The following KHDC1 variants were observed in gnomAD, a reference collection of about 807,000 sequenced individuals.
The protein encoded by KHDC1 is KH domain containing 1.
A neutral mutation model predicts 24.7 loss-of-function variants in KHDC1; 21 were observed. The observed-to-expected ratio is 0.85, with a 90% CI of 0.60 to 1.23. The LOEUF (loss-of-function observed/expected upper bound fraction) is 1.23. Ranked by LOEUF, KHDC1 falls within the 50% of genes most tolerant of loss-of-function variation. KHDC1 has a pLI of 0.00. For synonymous variants in KHDC1, 98 were observed against 111.7 expected, an observed-to-expected ratio of 0.88 and a Z score of 0.77; for missense variants, 274 against 298.5, an observed-to-expected ratio of 0.92 and a Z score of 0.61.
chr6:73,294,185 C>T (rs1767718061), intron 1 of KHDC1, among the ~76,000 whole-genome samples: 1 of 152,106 alleles, frequency 6.6e-6, no homozygotes, highest in Non-Finnish European at 1.5e-5. Context: ...TCTATTGTCT[C>T]TTTCCCTGTT....
At chr6:73,253,651 C>T (rs1162283701) in intron 2 of KHDC1, among the ~76,000 whole-genome samples, 1 of 152,182 alleles carries the variant, frequency 6.6e-6, no homozygotes, top group Admixed American at 6.6e-5. Flanking sequence ...GTAATCCCAG[C>T]ACTTTGGGAG....
chr6:73,271,665 G>A (rs1767182848), intron 2 of KHDC1, among the ~76,000 whole-genome samples: 2 of 151,102 alleles, frequency 1.3e-5, no homozygotes, highest in Non-Finnish European at 2.9e-5. Context: ...AGGCCGAGGT[G>A]GGTGGATCAC....
intron 1 of KHDC1, among the ~76,000 whole-genome samples, chr6:73,302,471 G>A (rs1333921236): frequency 6.6e-6 from 1 of 152,106 alleles, no homozygotes; most frequent in Non-Finnish European, 1.5e-5. Context: ...AAGCTATATG[G>A]TAAAAGCTTA....
At chr6:73,248,190 G>C (rs981195729) in intron 2 of KHDC1, among the ~76,000 whole-genome samples, 6 of 152,298 alleles carry the variant, frequency 3.9e-5, no homozygotes, top group African/African-American at 1.4e-4. Flanking sequence ...CAGACCTGAG[G>C]AGGGAGCCTG....
intron 2 of KHDC1, among the ~76,000 whole-genome samples, chr6:73,246,504 A>T (rs1766667912): frequency 6.6e-6 from 1 of 152,212 alleles, no homozygotes; most frequent in African/African-American, 2.4e-5. Context: ...TAAGAGAAGG[A>T]GAGTTGTCAC....
chr6:73,274,232 TG>T (rs1218981992), intron 2 of KHDC1: 1 of 152,230 alleles, frequency 6.6e-6, no homozygotes, highest in African/African-American at 2.4e-5. Flanking sequence ...CAAAAAAGAA[TG>T]GCATCATTCT....
intron 2 of KHDC1, chr6:73,268,499 T>C (rs1767116068): frequency 6.6e-6 from 1 of 152,330 alleles, no homozygotes; most frequent in Admixed American, 6.5e-5. Context: ...TATTCTCTTA[T>C]CTGGCCCCAC....
chr6:73,308,532 A>G (rs1768017158), intron 1 of KHDC1, among the ~76,000 whole-genome samples: 1 of 148,772 alleles, frequency 6.7e-6, no homozygotes, highest in African/African-American at 2.5e-5. Flanking sequence ...CTTTTTGGAC[A>G]GGGTCTCACT....
intron 2 of KHDC1, 80 bp from the exon 1 acceptor site, chr6:73,263,276 G>A (rs1004269673): frequency 1.0e-6 from 1 of 985,598 alleles, no homozygotes; most frequent in Non-Finnish European, 1.2e-6. Flanking sequence ...CTGTGTAGGA[G>A]ACAGCCTGCG....
intron 2 of KHDC1, chr6:73,284,566 G>A (rs111464049): frequency 1.3e-5 from 2 of 152,046 alleles, no homozygotes; most frequent in African/African-American, 4.8e-5. Flanking sequence ...TTAAACTCCT[G>A]TCTCTCTGCT....
chr6:73,259,524 T>C (rs1052668791), intron 2 of KHDC1, among the ~76,000 whole-genome samples: 1 of 152,142 alleles, frequency 6.6e-6, no homozygotes, highest in Non-Finnish European at 1.5e-5. Context: ...TACTTCTCCT[T>C]GAGAGGACCA....
intron 2 of KHDC1, among the ~76,000 whole-genome samples, chr6:73,243,049 T>A (rs1376138043): frequency 6.6e-6 from 1 of 152,142 alleles, no homozygotes; most frequent in Non-Finnish European, 1.5e-5. Context: ...AGGAGTTGAC[T>A]GGGTGAGTCT....
intron 2 of KHDC1, among the ~76,000 whole-genome samples, chr6:73,286,289 A>C (rs1257478054): frequency 6.6e-6 from 1 of 152,206 alleles, no homozygotes; most frequent in African/African-American, 2.4e-5. Context: ...TATAGTTTAC[A>C]TAAGATGATA....
intron 2 of KHDC1, among the ~76,000 whole-genome samples, chr6:73,267,724 G>C (rs1304798522): frequency 6.6e-6 from 1 of 152,196 alleles, no homozygotes; most frequent in African/African-American, 2.4e-5. Context: ...TTGGATGCCA[G>C]TATTTATAAT....
At chr6:73,265,119 TAG>T (rs1249523644) in intron 2 of KHDC1, among the ~76,000 whole-genome samples, 2 of 152,300 alleles carry the variant, frequency 1.3e-5, no homozygotes, top group East Asian at 3.9e-4. Flanking sequence ...GAGTGAGTGT[TAG>T]AGTTTGTCTA....
chr6:73,282,815 C>G (rs1462692410), intron 2 of KHDC1, among the ~76,000 whole-genome samples: 16 of 152,154 alleles, frequency 1.1e-4, no homozygotes, highest in Admixed American at 9.8e-4. Context: ...AATCAACACT[C>G]GACACACTGT....
At chr6:73,280,598 G>T (rs1256820948) in intron 2 of KHDC1, among the ~76,000 whole-genome samples, 1 of 136,380 alleles carries the variant, frequency 7.3e-6, no homozygotes, top group East Asian at 2.3e-4. Flanking sequence ...TCGGCTCACC[G>T]CAACCTCCAC....
At chr6:73,242,081 C>T in exon 4 of KHDC1, 1 of 1,613,480 alleles carries the variant, frequency 6.2e-7, no homozygotes, top group African/African-American at 1.3e-5. Flanking sequence ...GGAGTCCTGG[C>T]TCCCCACACA....
upstream of KHDC1, chr6:73,310,243 G>C (rs1358729853): frequency 6.3e-6 from 1 of 158,896 alleles, no homozygotes; most frequent in Non-Finnish European, 1.4e-5. Context: ...GCACCCGAAG[G>C]TGCTGTCCCG....
Sources: gnomAD v4.1 joint callset for allele counts (sites outside exome capture counted in the v4.1 genomes callset) on GRCh38, gnomAD v4.1.1 for gene constraint, MANE v1.5 for transcripts, NCBI Gene and HGNC (gene_info 2026-07-23, HGNC 2026-07-21) for gene names.